LCLAT1: variants seen among roughly 807,000 people sequenced by gnomAD.
LCLAT1 encodes the protein 1-AGP acyltransferase 8.
A neutral mutation model predicts 30.7 loss-of-function variants in LCLAT1; 11 were observed. The observed-to-expected ratio is 0.36, with a 90% CI of 0.23 to 0.59. The LOEUF (loss-of-function observed/expected upper bound fraction) is 0.59, where lower values mean the gene tolerates loss of function less well. LCLAT1 is among the 20% of genes least tolerant of loss of function. The probability of loss-of-function intolerance (pLI) is 0.77; values close to 1 mark genes in which losing one functional copy is unlikely to be tolerated. For synonymous variants in LCLAT1, 155 were observed against 151.3 expected, an observed-to-expected ratio of 1.02 and a Z score of -0.18; for missense variants, 402 against 458.6, an observed-to-expected ratio of 0.88 and a Z score of 1.13.
At chr2:30,551,451 A>C (rs1349847324) in intron 3 of LCLAT1, among the ~76,000 whole-genome samples, 2 of 152,326 alleles carry the variant, frequency 1.3e-5, no homozygotes, top group Non-Finnish European at 2.9e-5. Context: ...GCATTTCGCT[A>C]AGGAGCCCTA....
At chr2:30,479,349 C>G (rs1026090379) in intron 1 of LCLAT1, among the ~76,000 whole-genome samples, 1 of 152,052 alleles carries the variant, frequency 6.6e-6, no homozygotes, top group African/African-American at 2.4e-5. Flanking sequence ...CCTGCCTCAG[C>G]CTCCCAAGTA....
chr2:30,462,973 A>G (rs376371289), intron 1 of LCLAT1, among the ~76,000 whole-genome samples: 14 of 152,112 alleles, frequency 9.2e-5, no homozygotes, highest in Non-Finnish European at 1.9e-4. Flanking sequence ...GGTATTTTTT[A>G]GGGTTAGAAT....
intron 4 of LCLAT1, among the ~76,000 whole-genome samples, chr2:30,564,943 A>G (rs1038719116): frequency 4.6e-5 from 7 of 152,188 alleles, no homozygotes; most frequent in African/African-American, 1.7e-4. Flanking sequence ...GAAACATAGA[A>G]GTATGCACAA....
At chr2:30,600,890 T>C (rs1248297183) in intron 5 of LCLAT1, among the ~76,000 whole-genome samples, 1 of 152,182 alleles carries the variant, frequency 6.6e-6, no homozygotes, top group Non-Finnish European at 1.5e-5. Flanking sequence ...TCCAACTTGG[T>C]TCCATTCTCC....
At chr2:30,573,373 CAG>C (rs1665866445) in intron 5 of LCLAT1, among the ~76,000 whole-genome samples, 1 of 152,172 alleles carries the variant, frequency 6.6e-6, no homozygotes, top group African/African-American at 2.4e-5. Context: ...ACTTTGTAGC[CAG>C]AGAGTCAAGC....
intron 5 of LCLAT1, among the ~76,000 whole-genome samples, chr2:30,582,277 A>G (rs1442828730): frequency 6.6e-6 from 1 of 150,942 alleles, no homozygotes; most frequent in Non-Finnish European, 1.5e-5. Flanking sequence ...TAATGAATGT[A>G]ACAGATATAC....
intron 5 of LCLAT1, among the ~76,000 whole-genome samples, chr2:30,619,917 C>T (rs1344709746): frequency 6.6e-6 from 1 of 152,188 alleles, no homozygotes; most frequent in Admixed American, 6.5e-5. Context: ...AAATCTCCTG[C>T]TATATGAGCA....
intron 1 of LCLAT1, among the ~76,000 whole-genome samples, chr2:30,525,167 C>T (rs540763673): frequency 2.0e-5 from 3 of 151,920 alleles, no homozygotes; most frequent in South Asian, 2.1e-4. Flanking sequence ...TGCAGTGGTG[C>T]GATCTTGGCT....
intron 1 of LCLAT1, among the ~76,000 whole-genome samples, chr2:30,524,411 T>C (rs948222887): frequency 5.3e-5 from 8 of 152,244 alleles, no homozygotes; most frequent in Non-Finnish European, 7.3e-5. Context: ...TCTGCTAACT[T>C]GTCATTGTTT....
At chr2:30,472,641 A>G (rs557003610) in intron 1 of LCLAT1, among the ~76,000 whole-genome samples, 22 of 152,210 alleles carry the variant, frequency 1.4e-4, no homozygotes, top group Non-Finnish European at 2.5e-4. Flanking sequence ...TTTTAATGAC[A>G]TTCAGATAGG....
chr2:30,595,376 G>A (rs931323065), intron 5 of LCLAT1, among the ~76,000 whole-genome samples: 6 of 151,994 alleles, frequency 3.9e-5, no homozygotes, highest in South Asian at 2.1e-4. Context: ...GATCACTAAT[G>A]TCTTGAGTGT....
At chr2:30,525,040 T>TAAAAA (rs11408146) in intron 1 of LCLAT1, among the ~76,000 whole-genome samples, 2 of 148,706 alleles carry the variant, frequency 1.3e-5, no homozygotes, top group Non-Finnish European at 1.5e-5. Flanking sequence ...GGTTTTATGT[T>TAAAAA]AAAAAAAAAA....
intron 1 of LCLAT1, among the ~76,000 whole-genome samples, chr2:30,486,193 G>A (rs530843266): frequency 6.6e-6 from 1 of 152,074 alleles, no homozygotes; most frequent in Admixed American, 6.6e-5. Flanking sequence ...GTTATAGTCA[G>A]GAAAGAGCAT....
chr2:30,506,410 A>C (rs1186928351), intron 1 of LCLAT1, among the ~76,000 whole-genome samples: 1 of 152,064 alleles, frequency 6.6e-6, no homozygotes, highest in East Asian at 1.9e-4. Context: ...ACAGTGTTTT[A>C]AAATTAATAA....
intron 1 of LCLAT1, among the ~76,000 whole-genome samples, chr2:30,494,945 G>A (rs1166003249): frequency 6.8e-6 from 1 of 148,092 alleles, no homozygotes; most frequent in Admixed American, 6.8e-5. Flanking sequence ...ACCATTTCAT[G>A]AAGTGTGATT....
intron 1 of LCLAT1, among the ~76,000 whole-genome samples, chr2:30,483,306 T>C (rs1278823963): frequency 6.6e-6 from 1 of 152,132 alleles, no homozygotes; most frequent in Admixed American, 6.5e-5. Flanking sequence ...TTAGGCAACA[T>C]AGGGATACCC....
chr2:30,495,508 ATAATT>A, intron 1 of LCLAT1, among the ~76,000 whole-genome samples: 1 of 152,336 alleles, frequency 6.6e-6, no homozygotes, highest in East Asian at 1.9e-4. Context: ...TAAAAGGAGT[ATAATT>A]TAAAATACAG....
intron 1 of LCLAT1, among the ~76,000 whole-genome samples, chr2:30,509,876 A>G (rs998107506): frequency 4.6e-5 from 7 of 152,174 alleles, no homozygotes; most frequent in Non-Finnish European, 1.0e-4. Context: ...GCAGAGTGCT[A>G]TATGACAGAT....
At chr2:30,478,504 T>TGTATAGAA in intron 1 of LCLAT1, among the ~76,000 whole-genome samples, 1 of 152,204 alleles carries the variant, frequency 6.6e-6, no homozygotes, top group Admixed American at 6.5e-5. Flanking sequence ...TATAGAATAG[T>TGTATAGAA]TATATGTGTA....
Sources: gnomAD v4.1 joint callset for allele counts (sites outside exome capture counted in the v4.1 genomes callset) on GRCh38, gnomAD v4.1.1 for gene constraint, MANE v1.5 for transcripts, NCBI Gene and HGNC (gene_info 2026-07-23, HGNC 2026-07-21) for gene names.